GM2A: variants seen among roughly 807,000 people sequenced by gnomAD.
GM2A encodes the protein GM2 ganglioside activator.
GM2A carries 7 observed loss-of-function variants against 12.9 expected under a neutral mutation model. That is an observed-to-expected ratio of 0.54 (90% CI 0.31 to 1.02). The LOEUF is 1.02. Among genes scored for constraint, GM2A ranks in the 50% least tolerant of loss-of-function variants. The pLI is 0.05. For missense variants in GM2A, 246 were observed against 241.0 expected (o/e 1.02, Z -0.14); for synonymous variants, 101 against 96.0 (o/e 1.05, Z -0.30).
chr5:151,257,823 C>T (rs1279812097), intron 1 of GM2A, among the ~76,000 whole-genome samples: 4 of 152,248 alleles, frequency 2.6e-5, no homozygotes, highest in Admixed American at 6.5e-5. Context: ...TCTGACTCCG[C>T]ATCCTGCAAG....
At chr5:151,259,295 C>T (rs998698621) in intron 1 of GM2A, among the ~76,000 whole-genome samples, 2 of 152,140 alleles carry the variant, frequency 1.3e-5, no homozygotes. Flanking sequence ...TCCCATTGTT[C>T]CTGGCTCTGG....
At chr5:151,256,867 TCTC>T (rs1159000197) in intron 1 of GM2A, among the ~76,000 whole-genome samples, 1 of 152,106 alleles carries the variant, frequency 6.6e-6, no homozygotes, top group African/African-American at 2.4e-5. Context: ...TAGTCCCCCC[TCTC>T]CTCCAGCCTA....
chr5:151,269,947 A>T lies in GM2A; in HGVS notation c.*2496A>T. 8.3e-7 allele frequency: 1 copy of T among 1,204,764 alleles called. No individual in the cohort carries two copies. The highest frequency in any genetic ancestry group is 1.0e-6 in the Non-Finnish European group (1 of 971,062). 74.6% of individuals were successfully genotyped at this position (1,204,764 alleles called of 1,614,324 possible). A position where few individuals can be genotyped will look rare whatever the true frequency, so the allele number is the denominator to read the frequency against. On this transcript the variant is annotated 3_prime_UTR_variant, in exon 4 of 4. Transcript: ENST00000357164. ...CCCAATGCCGGGGATCTGACACCTC[A>T]CCTGGCAATGACCTCCACAGCCGTT...
chr5:151,267,249 C>T (rs373553065), intron 3 of GM2A, 47 bp from the exon 4 acceptor site: 1 of 1,613,218 alleles, frequency 6.2e-7, no homozygotes, highest in African/African-American at 1.3e-5. Flanking sequence ...GAGAAAGACC[C>T]CATCAGTAGG....
Position 151,269,904 on chromosome 5 carries a change from C to A in GM2A, c.*2453C>A. The A allele has an allele frequency of 9.9e-7, 1 of 1,006,130 alleles. No individual in the cohort carries two copies. The allele number at this position is 1,006,130 out of a possible 1,614,324, so 62.3% of individuals were successfully genotyped here. ...GTTGTTGGTGAATTCTTTTTACCAA[C>A]CCACGAGTTGACCACTTCCCAATGC... On this transcript the variant is annotated 3_prime_UTR_variant, in exon 4 of 4. Coordinates refer to ENST00000357164, the MANE Select transcript of GM2A (RefSeq NM_000405.5).
chr5:151,256,506 G>A (rs961424983), intron 1 of GM2A, among the ~76,000 whole-genome samples: 13 of 151,558 alleles, frequency 8.6e-5, no homozygotes, highest in African/African-American at 2.7e-4. Flanking sequence ...TTGGGAGGCT[G>A]AGGCAGGAGA....
In GM2A at chr5:151,268,486, T is replaced by A. The variant is rs1268762864; in HGVS notation, c.*1035T>A. The A allele has an allele frequency of 4.1e-6, 4 of 985,296 alleles. No homozygotes were observed. In the African/African-American group the frequency reaches 5.2e-5, roughly 13 times the overall value. The allele number at this position is 985,296 out of a possible 1,614,324, so 61.0% of individuals were successfully genotyped here. A position where few individuals can be genotyped will look rare whatever the true frequency, so the allele number is the denominator to read the frequency against. On this transcript the variant is annotated 3_prime_UTR_variant, in exon 4 of 4. Transcript: ENST00000357164. ...TTTTTGATTAAAGATGCTATTACAA[T>A]GTAAATATTTCTTACACAGAAAGTC... is the stretch of plus-strand genomic sequence containing the variant.
chr5:151,266,647 T>C (rs535155143), intron 2 of GM2A, 84 bp from the exon 3 acceptor site: 1 of 991,326 alleles, frequency 1.0e-6, no homozygotes, highest in African/African-American at 1.6e-5. Flanking sequence ...TGCTGCTTTT[T>C]TGAAGACAGA....
In GM2A at chr5:151,259,881, G is replaced by A; in HGVS notation, c.208G>A (p.Gly70Ser). The A allele has an allele frequency of 6.2e-7, 1 of 1,613,712 alleles. No homozygotes were observed. The highest frequency in any genetic ancestry group is 8.5e-7 in the Non-Finnish European group (1 of 1,179,706). The change falls in exon 2 of 4, where the codon GGC becomes AGC. Residue 70 changes from glycine (G) to serine (S), a missense_variant. Coordinates refer to ENST00000357164, the MANE Select transcript of GM2A (RefSeq NM_000405.5). Reference sequence around the variant, plus strand: ...TGGAAATGTGACCCTCAGTGTCATGGGCAGCACCAGTGTCCCCCTGAGTTC... The same window carrying A: ...TGGAAATGTGACCCTCAGTGTCATGAGCAGCACCAGTGTCCCCCTGAGTTC... Reference protein sequence around the residue: ...VPGNVTLSVMGSTSVPLSSPL... With the variant: ...VPGNVTLSVMSSTSVPLSSPL...
chr5:151,257,551 T>C (rs978895768), intron 1 of GM2A, among the ~76,000 whole-genome samples: 3 of 152,188 alleles, frequency 2.0e-5, no homozygotes, highest in Admixed American at 2.0e-4. Context: ...AATCTTTCCC[T>C]TGACCACTTT....
chr5:151,267,772 GTT>G lies in GM2A; in HGVS notation c.*324_*325del. The G allele has an allele frequency of 8.2e-7, 1 of 1,225,506 alleles. No homozygotes were observed. Among genetic ancestry groups the G allele is most frequent in the Non-Finnish European group, 1.0e-6 (1 of 966,184 alleles). 75.9% of individuals were successfully genotyped at this position (1,225,506 alleles called of 1,614,324 possible). On this transcript the variant is annotated 3_prime_UTR_variant, in exon 4 of 4. Coordinates refer to ENST00000357164, the MANE Select transcript of GM2A (RefSeq NM_000405.5). ...GCAGTTAAGGAATGGGAACCAGAGT[GTT>G]TTAGGACCTGAAGAATCTTTATGAC...
At chr5:151,265,383 C>T (rs1753865505) in intron 2 of GM2A, among the ~76,000 whole-genome samples, 1 of 152,174 alleles carries the variant, frequency 6.6e-6, no homozygotes. Flanking sequence ...CATAAGTGCC[C>T]ATCCAGGATT....
chr5:151,270,406 G>A lies in GM2A; in HGVS notation c.*2955G>A, dbSNP rs1342827724. The A allele has an allele frequency of 2.5e-6, 1 of 398,376 alleles. No homozygotes were observed. Among genetic ancestry groups the A allele is most frequent in the Non-Finnish European group, 4.4e-6 (1 of 226,036 alleles). 24.7% of individuals were successfully genotyped at this position (398,376 alleles called of 1,614,324 possible). On this transcript the variant is annotated 3_prime_UTR_variant, in exon 4 of 4. Transcript: ENST00000357164. ...AAAACACAATAAAATCAAATGACTG[G>A]GAGAAAAATTTATCCAGCCTATATA...
chr5:151,267,665 GATAGCCCAGGGC>G lies in GM2A; in HGVS notation c.*217_*228del. 2.0e-6 allele frequency: 3 copies of G among 1,499,252 alleles called. No individual in the cohort carries two copies. Among genetic ancestry groups the G allele is most frequent in the Non-Finnish European group, 2.7e-6 (3 of 1,123,472 alleles). The allele number at this position is 1,499,252 out of a possible 1,614,324, so 92.9% of individuals were successfully genotyped here. The stretch of plus-strand genomic sequence containing the variant: ...AGGGAGAATGAGTTGGACAGTTCTT[GATAGCCCAGGGC>G]ATCTGCTGGGCTGACCACGTTACTC... On this transcript the variant is annotated 3_prime_UTR_variant, in exon 4 of 4. Coordinates refer to ENST00000357164, the MANE Select transcript of GM2A (RefSeq NM_000405.5).
intron 2 of GM2A, among the ~76,000 whole-genome samples, chr5:151,266,422 G>A (rs1282491160): frequency 1.3e-5 from 2 of 148,246 alleles, no homozygotes; most frequent in Non-Finnish European, 3.0e-5. Flanking sequence ...GTTTGAGGCT[G>A]CAGTGAGTGC....
chr5:151,267,190 T>C (rs1753903399), intron 3 of GM2A, 106 bp from the exon 4 acceptor site: 1 of 1,426,588 alleles, frequency 7.0e-7, no homozygotes, highest in East Asian at 2.4e-5. Flanking sequence ...GTTTTGAGAA[T>C]GGGAAGAGGG....
chr5:151,258,902 G>A (rs998151743), intron 1 of GM2A, among the ~76,000 whole-genome samples: 2 of 152,160 alleles, frequency 1.3e-5, no homozygotes, highest in Non-Finnish European at 2.9e-5. Flanking sequence ...GCTGGGAGAG[G>A]TGAGAGTGGG....
At position 151,268,439 on chromosome 5, in the gene GM2A, A is replaced by G; in HGVS notation, c.*988A>G. 1.0e-6 allele frequency: 1 copy of G among 984,012 alleles called. No homozygotes were observed. The highest frequency in any genetic ancestry group is 1.2e-6 in the Non-Finnish European group (1 of 828,630). 61.0% of individuals were successfully genotyped at this position (984,012 alleles called of 1,614,324 possible). A position where few individuals can be genotyped will look rare whatever the true frequency, so the allele number is the denominator to read the frequency against. On this transcript the variant is annotated 3_prime_UTR_variant, in exon 4 of 4. Transcript: ENST00000357164. ...AAGCGCTGGATTACAGGCATGAGCC[A>G]CTACACCCAGCCGATTTTTCCTTTT...
intron 1 of GM2A, among the ~76,000 whole-genome samples, chr5:151,254,553 A>G (rs553534741): frequency 6.6e-6 from 1 of 152,230 alleles, no homozygotes; most frequent in Non-Finnish European, 1.5e-5. Flanking sequence ...CAGGGTGACT[A>G]TCGTCAGTAA....
Sources: gnomAD v4.1 joint callset for allele counts (sites outside exome capture counted in the v4.1 genomes callset) on GRCh38, gnomAD v4.1.1 for gene constraint, MANE v1.5 for transcripts, NCBI Gene and HGNC (gene_info 2026-07-23, HGNC 2026-07-21) for gene names.